The following ATAD1 variants were observed in gnomAD, a reference collection of about 807,000 sequenced individuals.
ATAD1 encodes the protein ATPase family AAA domain containing 1, also known as outer mitochondrial transmembrane helix translocase.
Under a neutral mutation model 42.7 loss-of-function variants are expected in ATAD1, and 18 were observed. The ratio of observed to expected loss-of-function variants is 0.42; its 90% confidence interval spans 0.29 to 0.63. ATAD1 has a LOEUF of 0.63. ATAD1 is among the 20% of genes least tolerant of loss of function. The pLI is 0.19. For missense variants in ATAD1, 294 were observed against 440.4 expected, an observed-to-expected ratio of 0.67 and a Z score of 2.98; for synonymous variants, 132 against 143.1, an observed-to-expected ratio of 0.92 and a Z score of 0.55.
At chr10:87,765,489 G>T (rs1477814960) in intron 8 of ATAD1, among the ~76,000 whole-genome samples, 1 of 103,256 alleles carries the variant, frequency 9.7e-6, no homozygotes, top group South Asian at 3.7e-4. Context: ...CATAGGGGGG[G>T]TGGGTGGGGG....
chr10:87,838,071 G>T lies in ATAD1; in HGVS notation c.-14+3116C>A, dbSNP rs1328367314. Among the ~76,000 whole-genome samples the T allele has an allele frequency of 2.6e-5, 4 of 152,116 alleles. No homozygotes were observed. In the East Asian group the frequency reaches 7.7e-4, roughly 29 times the overall value. ...CAGACTGCCTTATTTCTAGACTGAG[G>T]TTCTGATAGGGAAAAAACAAAAACA... On this transcript the variant is annotated intron_variant, in intron 1 of 4. Transcript: ENST00000495903.
Position 87,754,763 on chromosome 10 carries a change from T to A in ATAD1, c.1010A>T (p.His337Leu), listed in dbSNP as rs768894978. The A allele has an allele frequency of 1.2e-6, 2 of 1,613,836 alleles. No individual in the cohort carries two copies. The highest frequency in any genetic ancestry group is 2.2e-5 in the South Asian group (2 of 91,066). Residue 337 changes from histidine to leucine, a missense_variant, in exon 10 of 10, where the codon CAT (histidine) becomes CTT (leucine). Coordinates refer to ENST00000680024, the MANE Select transcript of ATAD1 (RefSeq NM_001321967.2). ...TTTCTTCATCTTTTCAATTGCCCGA[T>A]GCAGGTCCTGCTGTTGAACAGGCCG... ...EIRPVQQQDL[H>L]RAIEKMKKSK...
intron 1 of ATAD1, among the ~76,000 whole-genome samples, chr10:87,834,547 G>A (rs928653694): frequency 2.6e-5 from 4 of 152,084 alleles, no homozygotes; most frequent in Non-Finnish European, 5.9e-5. Flanking sequence ...TTTCACATAG[G>A]TTGTCATATT....
rs974962581 is a variant in ATAD1, at chr10:87,751,662, C to T, written c.*3025G>A. Reference sequence around the variant, plus strand: ...GATTAGAGAACTCTATCTTTGATAACTAAATCTATAACAAATTTAATAATG... The same window carrying T: ...GATTAGAGAACTCTATCTTTGATAATTAAATCTATAACAAATTTAATAATG... On this transcript the variant is annotated 3_prime_UTR_variant, in exon 10 of 10. Transcript: ENST00000680024. 1 of 152,146 alleles carries T rather than the reference C, an allele frequency of 6.6e-6. No individual in the cohort carries two copies. The allele number at this position is 152,146 out of a possible 1,614,324, so 9.4% of individuals were successfully genotyped here. A position where few individuals can be genotyped will look rare whatever the true frequency, so the allele number is the denominator to read the frequency against.
At chr10:87,797,228 ACT>A (rs1856436197) in intron 2 of ATAD1, among the ~76,000 whole-genome samples, 1 of 151,654 alleles carries the variant, frequency 6.6e-6, no homozygotes, top group Non-Finnish European at 1.5e-5. Flanking sequence ...GATTTGACAA[ACT>A]CTACTTGACT....
chr10:87,831,596 G>A (rs553528260), intron 1 of ATAD1, among the ~76,000 whole-genome samples: 2 of 152,216 alleles, frequency 1.3e-5, no homozygotes, highest in African/African-American at 4.8e-5. Context: ...TAGAGTTTGG[G>A]TCCTCCATGC....
At position 87,754,399 on chromosome 10, in the gene ATAD1, A is replaced by T. The variant is rs1854129722; in HGVS notation, c.*288T>A. On this transcript the variant is annotated 3_prime_UTR_variant, in exon 10 of 10. Coordinates refer to ENST00000680024, the MANE Select transcript of ATAD1 (RefSeq NM_001321967.2). Reference sequence around the variant, plus strand: ...CTAATGACCCAATGAATCATTTATGACTTTAAGACCAGCTTAGATTCTATA... The same window carrying T: ...CTAATGACCCAATGAATCATTTATGTCTTTAAGACCAGCTTAGATTCTATA... 5.1e-6 allele frequency: 1 copy of T among 195,908 alleles called. No homozygotes were observed. The highest frequency in any genetic ancestry group is 1.0e-5 in the Non-Finnish European group (1 of 95,332). 12.1% of individuals were successfully genotyped at this position (195,908 alleles called of 1,614,324 possible).
intron 1 of ATAD1, among the ~76,000 whole-genome samples, chr10:87,835,046 T>C (rs544754415): frequency 1.6e-4 from 24 of 152,126 alleles, no homozygotes; most frequent in Non-Finnish European, 2.9e-4. Context: ...GTATAATGTT[T>C]ATAAATGTTT....
At chr10:87,828,460 GC>G (rs1466689676) in intron 1 of ATAD1, among the ~76,000 whole-genome samples, 4 of 152,332 alleles carry the variant, frequency 2.6e-5, no homozygotes, top group African/African-American at 9.6e-5. Context: ...AGGCAAGGAA[GC>G]TGTAGAAGAA....
At chr10:87,812,073 T>C (rs1349591205) in intron 2 of ATAD1, among the ~76,000 whole-genome samples, 1 of 152,202 alleles carries the variant, frequency 6.6e-6, no homozygotes, top group Non-Finnish European at 1.5e-5. Context: ...GTCATTCCTT[T>C]TGTCACCCTC....
intron 4 of ATAD1, among the ~76,000 whole-genome samples, chr10:87,786,047 G>C (rs1260972305): frequency 6.6e-6 from 1 of 152,096 alleles, no homozygotes. Flanking sequence ...GTTATAATTT[G>C]AATCTTCTAC....
chr10:87,797,607 T>C (rs947612511), intron 2 of ATAD1, among the ~76,000 whole-genome samples: 1 of 152,202 alleles, frequency 6.6e-6, no homozygotes, highest in Admixed American at 6.5e-5. Context: ...TGTTTCCATA[T>C]TATTCCATGA....
intron 2 of ATAD1, among the ~76,000 whole-genome samples, chr10:87,811,174 A>C (rs1857160362): frequency 6.6e-6 from 1 of 151,978 alleles, no homozygotes; most frequent in Admixed American, 6.6e-5. Flanking sequence ...CTCTACTAAA[A>C]CTACAAAAAT....
At chr10:87,756,983 C>G (rs1854252130) in intron 8 of ATAD1, 61 bp from the exon 9 acceptor site, 1 of 1,328,564 alleles carries the variant, frequency 7.5e-7, no homozygotes, top group Admixed American at 2.7e-5. Flanking sequence ...AATGATACTA[C>G]CAAACACCCA....
chr10:87,826,893 C>G (rs1398848583), intron 1 of ATAD1, among the ~76,000 whole-genome samples: 2 of 152,178 alleles, frequency 1.3e-5, no homozygotes, highest in Non-Finnish European at 2.9e-5. Context: ...TTTGCAGCAC[C>G]TGAACACACA....
chr10:87,807,468 T>C (rs532405324), intron 2 of ATAD1, among the ~76,000 whole-genome samples: 1 of 152,332 alleles, frequency 6.6e-6, no homozygotes, highest in South Asian at 2.1e-4. Context: ...TTGACAGACT[T>C]AAAACTTTAC....
chr10:87,753,261 T>C lies in ATAD1; in HGVS notation c.*1426A>G, dbSNP rs1331958617. The C allele has an allele frequency of 6.6e-6, 1 of 152,200 alleles. No individual in the cohort carries two copies. Among genetic ancestry groups the C allele is most frequent in the Non-Finnish European group, 1.5e-5 (1 of 68,012 alleles). 9.4% of individuals were successfully genotyped at this position (152,200 alleles called of 1,614,324 possible). On this transcript the variant is annotated 3_prime_UTR_variant, in exon 10 of 10. Coordinates refer to ENST00000680024, the MANE Select transcript of ATAD1 (RefSeq NM_001321967.2). ...CCATAACTTGCTTTTTGTTATCCAT[T>C]GTTCACCTGAAACTTCCACCCCACC...
chr10:87,792,813 G>A (rs1244865590), intron 2 of ATAD1, 58 bp from the exon 3 acceptor site: 11 of 1,248,608 alleles, frequency 8.8e-6, no homozygotes, highest in African/African-American at 3.0e-5. Flanking sequence ...CTGGCACTTC[G>A]AAATAGATAT....
At chr10:87,778,957 A>T (rs1482912705) in intron 5 of ATAD1, among the ~76,000 whole-genome samples, 1 of 152,200 alleles carries the variant, frequency 6.6e-6, no homozygotes, top group East Asian at 1.9e-4. Context: ...GTGACCTTGG[A>T]CTTGATTAAT....
Sources: allele counts gnomAD v4.1 joint callset (sites outside exome capture counted in the v4.1 genomes callset), GRCh38; gene constraint gnomAD v4.1.1; transcripts MANE v1.5; gene names NCBI Gene and HGNC (gene_info 2026-07-23, HGNC 2026-07-21).